Variants in ITSN2 observed in about 807,000 individuals in gnomAD.
The protein encoded by ITSN2 is intersectin 2.
ITSN2 carries 156 observed loss-of-function variants against 243.7 expected under a neutral mutation model. The observed-to-expected ratio is 0.64, with a 90% confidence interval of 0.56 to 0.73. ITSN2 has a LOEUF of 0.73. ITSN2 is among the 30% of genes least tolerant of loss of function. The pLI, the probability that ITSN2 is intolerant of heterozygous loss-of-function variation, is 0.00. For missense variants in ITSN2, 1,801 were observed against 1,996.1 expected, an observed-to-expected ratio of 0.90 and a Z score of 1.86; for synonymous variants, 703 against 699.9, an observed-to-expected ratio of 1.00 and a Z score of -0.07.
chr2:24,204,604 A>C lies in ITSN2; in HGVS notation c.4763-186T>G, dbSNP rs1226613479. On this transcript the variant is annotated intron_variant, in intron 38 of 39. Transcript: ENST00000355123. The surrounding 1 kb of genome is among the most constrained non-coding windows in gnomAD (Gnocchi z 5.1). ...CAGGGTCTCCAAGTTCCCAGTGCTG[A>C]CAGCAGCATTAACTGGGGAGTGGCC... The C allele has an allele frequency of 3.1e-5, 21 of 677,766 alleles. No homozygotes were observed. Among genetic ancestry groups the C allele is most frequent in the Non-Finnish European group, 4.3e-5 (16 of 369,860 alleles). The allele number at this position is 677,766 out of a possible 1,614,324, so 42.0% of individuals were successfully genotyped here.
chr2:24,233,072 C>G (rs773721698), intron 29 of ITSN2, among the ~76,000 whole-genome samples: 2 of 152,220 alleles, frequency 1.3e-5, no homozygotes, highest in Non-Finnish European at 2.9e-5. Context: ...ATAGCCAGTT[C>G]CAAAGAGACT....
intron 28 of ITSN2, 75 bp downstream of exon 28, chr2:24,246,722 T>G: frequency 1.2e-6 from 1 of 852,692 alleles, no homozygotes; most frequent in Non-Finnish European, 1.9e-6. Flanking sequence ...TTTCCAAAGA[T>G]TGAGCTAATC....
intron 29 of ITSN2, among the ~76,000 whole-genome samples, chr2:24,233,260 C>T (rs1043476834): frequency 7.2e-5 from 11 of 152,116 alleles, no homozygotes; most frequent in Non-Finnish European, 1.3e-4. Flanking sequence ...TTGTTTATGA[C>T]TACATACATA....
At chr2:24,298,011 G>A (rs1183280423) in intron 13 of ITSN2, among the ~76,000 whole-genome samples, 3 of 148,682 alleles carry the variant, frequency 2.0e-5, no homozygotes. Context: ...TTGAGATGGC[G>A]TCTCACTCTG....
intron 22 of ITSN2, among the ~76,000 whole-genome samples, chr2:24,260,127 C>T (rs1675620719): frequency 6.6e-6 from 1 of 152,088 alleles, no homozygotes. Context: ...TGCTGTATTG[C>T]CCAGGTTGAT....
chr2:24,323,950 C>G (rs774875761), intron 2 of ITSN2, among the ~76,000 whole-genome samples: 1 of 152,106 alleles, frequency 6.6e-6, no homozygotes, highest in African/African-American at 2.4e-5. Flanking sequence ...AAAAGCTGCT[C>G]GGCCAGGCAT....
chr2:24,330,596 G>A lies in ITSN2; in HGVS notation c.-33-2481C>T, dbSNP rs955560169. ...AGGGAAAAGCTTATGCTGGCAAGGA[G>A]GGGAATAACCTTGCAGAAAATGGAG... On this transcript the variant is annotated intron_variant, in intron 1 of 39. Transcript: ENST00000355123. The A allele has an allele frequency of 9.4e-6, 8 of 854,202 alleles. No individual in the cohort carries two copies. In the African/African-American group the frequency reaches 1.3e-4, roughly 14 times the overall value. 52.9% of individuals were successfully genotyped at this position (854,202 alleles called of 1,614,324 possible).
intron 8 of ITSN2, among the ~76,000 whole-genome samples, chr2:24,308,290 C>T (rs1204496443): frequency 6.6e-6 from 1 of 152,210 alleles, no homozygotes; most frequent in Non-Finnish European, 1.5e-5. Context: ...AAGTTCCACA[C>T]ACTCTCTCTT....
intron 11 of ITSN2, among the ~76,000 whole-genome samples, chr2:24,300,634 G>A (rs958525770): frequency 1.1e-4 from 17 of 151,774 alleles, no homozygotes; most frequent in African/African-American, 4.1e-4. Context: ...CAGGAGAATC[G>A]CTTGAACCCA....
At chr2:24,312,084 A>T in intron 5 of ITSN2, 128 bp downstream of exon 5, 1 of 717,394 alleles carries the variant, frequency 1.4e-6, no homozygotes, top group Non-Finnish European at 2.2e-6. Context: ...TATTATCTCT[A>T]ACATGAAAAT....
chr2:24,342,547 C>T (rs1056905156), intron 1 of ITSN2, among the ~76,000 whole-genome samples: 1 of 147,446 alleles, frequency 6.8e-6, no homozygotes, highest in South Asian at 2.2e-4. Context: ...CTCGTAGGCC[C>T]TCAAGTGTCT....
At position 24,313,510 on chromosome 2, in the gene ITSN2, A is replaced by C. The variant is rs928721694; in HGVS notation, c.138T>G (p.Arg46=). The change falls in exon 4 of 40, where the codon CGT becomes CGG. Residue 46 remains arginine, a synonymous_variant. Transcript: ENST00000355123. ...SGGYITGDQA[R]NFFLQSGLPA... Reference sequence around the variant, plus strand: ...GCAGACCTGATTGTAGGAAAAAATTACGTGCTTGATCACCTGGAGGTAATA... The same window carrying C: ...GCAGACCTGATTGTAGGAAAAAATTCCGTGCTTGATCACCTGGAGGTAATA... The C allele has an allele frequency of 6.2e-7, 1 of 1,613,340 alleles. No homozygotes were observed. Among genetic ancestry groups the C allele is most frequent in the Non-Finnish European group, 8.5e-7 (1 of 1,179,592 alleles).
At chr2:24,214,507 G>A (rs1470482180) in intron 32 of ITSN2, 2 of 152,044 alleles carry the variant, frequency 1.3e-5, no homozygotes, top group Non-Finnish European at 2.9e-5. Flanking sequence ...TATTCTTATT[G>A]AGCCAGTTTT....
chr2:24,337,141 A>G lies in ITSN2; in HGVS notation c.-33-9026T>C, dbSNP rs1209777526. Among the ~76,000 whole-genome samples, 3 of 149,802 alleles carry G rather than the reference A, an allele frequency of 2.0e-5. No homozygotes were observed. In the East Asian group the frequency reaches 5.8e-4, roughly 29 times the overall value. ...TGAAGGTTTTTTATCGAGAGTGAGG[A>G]AGGCGGCTCAGGTTTTTTAATTACT... On this transcript the variant is annotated intron_variant, in intron 1 of 39. Coordinates refer to ENST00000355123, the MANE Select transcript of ITSN2 (RefSeq NM_006277.3).
Position 24,248,793 on chromosome 2 carries a change from G to C in ITSN2, c.3167-43C>G, listed in dbSNP as rs962952980. On this transcript the variant is annotated intron_variant, in intron 26 of 39. Transcript: ENST00000355123. ...AAACTATGAATTCAAGATTGCGACA[G>C]AGCAAACACGTTAGTAATTTTTTAA... is the stretch of plus-strand genomic sequence containing the variant. 13 of 1,613,202 alleles carry C rather than the reference G, an allele frequency of 8.1e-6. No individual in the cohort carries two copies. In the Admixed American group the frequency reaches 1.3e-4, roughly 17 times the overall value.
At chr2:24,231,555 C>T (rs1216008785) in intron 29 of ITSN2, among the ~76,000 whole-genome samples, 1 of 152,220 alleles carries the variant, frequency 6.6e-6, no homozygotes, top group Non-Finnish European at 1.5e-5. Context: ...AGACCCACCC[C>T]CACACTGTGG....
At chr2:24,207,568 G>C (rs891652158) in intron 37 of ITSN2, among the ~76,000 whole-genome samples, 1 of 151,986 alleles carries the variant, frequency 6.6e-6, no homozygotes, top group Admixed American at 6.5e-5. Flanking sequence ...TACAGAGGTC[G>C]GGGAGAGGCC....
intron 3 of ITSN2, 117 bp from the exon 4 acceptor site, chr2:24,313,640 A>G (rs1185963973): frequency 1.6e-6 from 1 of 623,478 alleles, no homozygotes; most frequent in African/African-American, 1.9e-5. Context: ...ACCAATCATT[A>G]AAGAATAAGT....
intron 2 of ITSN2, among the ~76,000 whole-genome samples, chr2:24,322,534 T>C (rs188684198): frequency 2.0e-5 from 3 of 152,232 alleles, no homozygotes; most frequent in African/African-American, 4.8e-5. Flanking sequence ...TGGATATCCA[T>C]ATGAAAAAAC....
Sources: allele counts gnomAD v4.1 joint callset (sites outside exome capture counted in the v4.1 genomes callset), GRCh38; gene constraint gnomAD v4.1.1; non-coding constraint Gnocchi (gnomAD v3.1); transcripts MANE v1.5; gene names NCBI Gene and HGNC (gene_info 2026-07-23, HGNC 2026-07-21).